The following FGF13 variants were observed in gnomAD, a reference collection of about 807,000 sequenced individuals.
FGF13 encodes the protein fibroblast growth factor homologous factor 2.
FGF13 carries 2 observed loss-of-function variants against 19.5 expected under a neutral mutation model. The observed-to-expected ratio is 0.10, with a 90% CI of 0.04 to 0.32. The LOEUF (loss-of-function observed/expected upper bound fraction) is 0.32. Ranked by LOEUF, FGF13 falls within the 10% of genes least tolerant of loss-of-function variation. FGF13 has a pLI of 1.00. For missense variants in FGF13, 113 were observed against 192.7 expected (o/e 0.59, Z 2.45); for synonymous variants, 72 against 76.9 (o/e 0.94, Z 0.33).
intron 3 of FGF13, among the ~76,000 whole-genome samples, chrX:138,674,429 G>A (rs2089644554): frequency 9.0e-6 from 1 of 111,321 alleles, no homozygotes; most frequent in Non-Finnish European, 1.9e-5. Flanking sequence ...GATTGAACAA[G>A]GGCTGGAGTA....
intron 1 of FGF13, among the ~76,000 whole-genome samples, chrX:139,163,002 G>A (rs1477246583): frequency 8.9e-6 from 1 of 111,855 alleles, no homozygotes; most frequent in Non-Finnish European, 1.9e-5. Context: ...CAAGGGTCTA[G>A]AACCAGAAAT....
At chrX:139,108,897 T>G (rs1245292309) in intron 1 of FGF13, among the ~76,000 whole-genome samples, 1 of 103,878 alleles carries the variant, frequency 9.6e-6, no homozygotes, top group Non-Finnish European at 2.0e-5. Context: ...GTCCATGTGT[T>G]CTCATTGTTC....
chrX:138,883,575 G>T (rs981402239), intron 1 of FGF13, among the ~76,000 whole-genome samples: 4 of 111,487 alleles, frequency 3.6e-5, no homozygotes, highest in Non-Finnish European at 7.5e-5. Flanking sequence ...ATTAATTGAT[G>T]ATATGTCTCA....
intron 1 of FGF13, among the ~76,000 whole-genome samples, chrX:139,175,018 C>T (rs189716400): frequency 8.9e-6 from 1 of 111,933 alleles, no homozygotes; most frequent in Non-Finnish European, 1.9e-5. Flanking sequence ...TTGTTTCTTC[C>T]TATCCAGGAG....
intron 1 of FGF13, among the ~76,000 whole-genome samples, chrX:139,096,690 G>A (rs1330277830): frequency 1.8e-5 from 2 of 111,644 alleles, no homozygotes; most frequent in Admixed American, 1.9e-4. Flanking sequence ...ACAATATTGA[G>A]AATTAAAAGG....
chrX:139,148,077 C>G (rs1651407427), intron 1 of FGF13, among the ~76,000 whole-genome samples: 1 of 111,265 alleles, frequency 9.0e-6, no homozygotes, highest in African/African-American at 3.3e-5. Flanking sequence ...TTTCTTTCTA[C>G]AAAGGTAGAA....
At chrX:139,120,377 CACTT>C (rs2083669178) in intron 1 of FGF13, among the ~76,000 whole-genome samples, 1 of 111,911 alleles carries the variant, frequency 8.9e-6, no homozygotes, top group Non-Finnish European at 1.9e-5. Context: ...TATACTAACT[CACTT>C]AATCCATGCA....
chrX:138,681,166 CAA>C (rs759043580), intron 3 of FGF13, among the ~76,000 whole-genome samples: 62 of 40,821 alleles, frequency 1.5e-3, no homozygotes, highest in African/African-American at 2.9e-3. Flanking sequence ...AGAGTGAGAC[CAA>C]AAAAAAAAAA....
At chrX:138,787,226 G>A (rs1242510939) in intron 3 of FGF13, among the ~76,000 whole-genome samples, 1 of 112,651 alleles carries the variant, frequency 8.9e-6, no homozygotes, top group Non-Finnish European at 1.9e-5. Flanking sequence ...AGCCAGATGG[G>A]GCTGTGGAAG....
intron 3 of FGF13, among the ~76,000 whole-genome samples, chrX:138,783,112 T>C (rs1388935104): frequency 1.0e-5 from 1 of 98,222 alleles, no homozygotes; most frequent in Non-Finnish European, 2.0e-5. Flanking sequence ...GCTAGCCATA[T>C]GGAGAAAGCT....
At chrX:138,894,817 C>A (rs1248677947) in intron 1 of FGF13, among the ~76,000 whole-genome samples, 2 of 111,724 alleles carry the variant, frequency 1.8e-5, no homozygotes, top group Non-Finnish European at 3.8e-5. Flanking sequence ...TTTTATGAGG[C>A]CAGCAACATC....
upstream of FGF13, among the ~76,000 whole-genome samples, chrX:138,714,513 C>T (rs2090082946): frequency 9.0e-6 from 1 of 111,094 alleles, no homozygotes; most frequent in African/African-American, 3.3e-5. Flanking sequence ...GGCATGGTGG[C>T]GCCTGCCTGT....
chrX:139,090,941 CAAAAAA>C (rs1181771963), intron 1 of FGF13, among the ~76,000 whole-genome samples: 2 of 32,760 alleles, frequency 6.1e-5, no homozygotes, highest in Admixed American at 4.1e-4. Context: ...GACCCTGTCT[CAAAAAA>C]AAAAAAAAAA....
At chrX:138,900,114 T>A (rs981712240) in intron 1 of FGF13, among the ~76,000 whole-genome samples, 12 of 111,352 alleles carry the variant, frequency 1.1e-4, no homozygotes, top group Non-Finnish European at 2.1e-4. Context: ...CAGGTTCTTT[T>A]TACTAATTGA....
intron 3 of FGF13, among the ~76,000 whole-genome samples, chrX:138,697,800 T>C (rs1202452503): frequency 4.5e-5 from 5 of 111,578 alleles, no homozygotes; most frequent in Non-Finnish European, 7.5e-5. Context: ...AAAGTAGACA[T>C]AGAACGGGAA....
chrX:138,842,215 G>C (rs2091154024), intron 3 of FGF13, among the ~76,000 whole-genome samples: 1 of 110,774 alleles, frequency 9.0e-6, no homozygotes, highest in Non-Finnish European at 1.9e-5. Flanking sequence ...CATATACAGA[G>C]TTTTCATGTC....
intron 1 of FGF13, among the ~76,000 whole-genome samples, chrX:138,927,808 C>A (rs933783270): frequency 9.0e-6 from 1 of 111,551 alleles, no homozygotes; most frequent in Non-Finnish European, 1.9e-5. Context: ...GGTAGTCAGC[C>A]GCTACCATAG....
intron 1 of FGF13, among the ~76,000 whole-genome samples, chrX:139,029,624 C>G (rs960308194): frequency 8.1e-5 from 9 of 111,470 alleles, no homozygotes; most frequent in Middle Eastern, 4.6e-3. Context: ...TGCCTGGTGT[C>G]AATTTAGTTT....
intron 1 of FGF13, among the ~76,000 whole-genome samples, chrX:139,195,304 A>G (rs2084363288): frequency 8.9e-6 from 1 of 111,834 alleles, no homozygotes; most frequent in Non-Finnish European, 1.9e-5. Context: ...CAAATTCAAG[A>G]GCTCTTGGAA....
Sources: allele counts gnomAD v4.1 joint callset (sites outside exome capture counted in the v4.1 genomes callset), GRCh38; gene constraint gnomAD v4.1.1; transcripts MANE v1.5; gene names NCBI Gene and HGNC (gene_info 2026-07-23, HGNC 2026-07-21).